PAPSS1: variants seen among roughly 807,000 people sequenced by gnomAD.
The protein encoded by PAPSS1 is bifunctional 3'-phosphoadenosine 5'-phosphosulfate synthase 1.
PAPSS1 carries 50 observed loss-of-function variants against 72.0 expected under a neutral mutation model. That is an observed-to-expected ratio of 0.69 (90% CI 0.55 to 0.88). The LOEUF (loss-of-function observed/expected upper bound fraction) is 0.88, where lower values mean the gene tolerates loss of function less well. Ranked by LOEUF, PAPSS1 falls within the 40% of genes least tolerant of loss-of-function variation. PAPSS1 has a pLI of 0.00. For missense variants in PAPSS1, 657 were observed against 782.2 expected (o/e 0.84, Z 1.91); for synonymous variants, 261 against 263.6 (o/e 0.99, Z 0.09).
chr4:107,641,509 C>A (rs72883542), intron 10 of PAPSS1, among the ~76,000 whole-genome samples: 5,332 of 152,256 alleles, frequency 0.035, 287 homozygotes, highest in African/African-American at 0.12. Flanking sequence ...CTCTGGTCTT[C>A]TTTGACAGAC....
At chr4:107,682,161 G>T in intron 4 of PAPSS1, 28 bp from the exon 5 acceptor site, 1 of 1,103,892 alleles carries the variant, frequency 9.1e-7, no homozygotes, top group Non-Finnish European at 1.4e-6. Flanking sequence ...TAATAGAGTA[G>T]GGTGGAAAAT....
intron 11 of PAPSS1, among the ~76,000 whole-genome samples, chr4:107,620,219 G>A (rs1321793980): frequency 2.6e-5 from 4 of 152,152 alleles, no homozygotes; most frequent in Admixed American, 6.5e-5. Flanking sequence ...TTGATAGGAC[G>A]AAAAATAATA....
At chr4:107,690,609 G>A (rs1435344807) in intron 3 of PAPSS1, among the ~76,000 whole-genome samples, 1 of 152,122 alleles carries the variant, frequency 6.6e-6, no homozygotes. Context: ...TCAGTTCAGT[G>A]GTTGACATGG....
rs557083087 is a variant in PAPSS1 at position 107,665,665 on chromosome 4, A to G, written c.670-5593T>C. ...AGTAAATGACCCACACTCTACTATTAATGAGAGGTGAATTCCGTAACCTGT... is the reference window on the plus strand; with the variant it reads ...AGTAAATGACCCACACTCTACTATTGATGAGAGGTGAATTCCGTAACCTGT... On this transcript the variant is annotated intron_variant, in intron 5 of 11. Transcript: ENST00000265174. 2.0e-5 allele frequency among the ~76,000 whole-genome samples: 3 copies of G among 152,222 alleles called. No homozygotes were observed. In the South Asian group the frequency reaches 6.2e-4, roughly 32 times the overall value.
chr4:107,668,682 G>A (rs112951213), intron 5 of PAPSS1, among the ~76,000 whole-genome samples: 3,842 of 152,178 alleles, frequency 0.025, 72 homozygotes, highest in Middle Eastern at 0.061. Context: ...AAGTTCTTCA[G>A]TTTTGGAACT....
At chr4:107,711,278 G>T (rs1356117953) in intron 1 of PAPSS1, among the ~76,000 whole-genome samples, 1 of 152,086 alleles carries the variant, frequency 6.6e-6, no homozygotes, top group East Asian at 1.9e-4. Flanking sequence ...CTGTCACTAG[G>T]CTAATATTGC....
At chr4:107,665,966 T>C (rs1727305523) in intron 5 of PAPSS1, among the ~76,000 whole-genome samples, 1 of 152,212 alleles carries the variant, frequency 6.6e-6, no homozygotes, top group Admixed American at 6.5e-5. Flanking sequence ...CTTTAAATAC[T>C]TTCTGTACTT....
chr4:107,615,168 T>C (rs1179243370), intron 11 of PAPSS1, among the ~76,000 whole-genome samples: 1 of 152,138 alleles, frequency 6.6e-6, no homozygotes, highest in Admixed American at 6.6e-5. Flanking sequence ...GTTGATAGTT[T>C]TTCTCATCTT....
intron 9 of PAPSS1, among the ~76,000 whole-genome samples, chr4:107,651,403 C>A (rs1269937799): frequency 3.3e-5 from 5 of 152,168 alleles, no homozygotes; most frequent in African/African-American, 4.8e-5. Flanking sequence ...TAAAGTCTAG[C>A]TTCAGTTCAC....
chr4:107,679,348 C>G (rs1252678568), intron 5 of PAPSS1, among the ~76,000 whole-genome samples: 1 of 152,146 alleles, frequency 6.6e-6, no homozygotes, highest in African/African-American at 2.4e-5. Context: ...CCAGGCCCCA[C>G]ACTAAGTACA....
chr4:107,716,149 A>C (rs749819694), intron 1 of PAPSS1, among the ~76,000 whole-genome samples: 2 of 152,070 alleles, frequency 1.3e-5, no homozygotes, highest in African/African-American at 2.4e-5. Flanking sequence ...TGTAGATACA[A>C]AACATCTATA....
Position 107,614,192 on chromosome 4 carries a change from TG to T in PAPSS1, c.*56del. 1 of 1,534,354 alleles carries T rather than the reference TG, an allele frequency of 6.5e-7. No homozygotes were observed. The highest frequency in any genetic ancestry group is 1.2e-5 in the South Asian group (1 of 85,492). ...CACAAAGAAATGCCAACAGAGACTA[TG>T]TGGTCCCCTCTTGTTACTAGTAATG... On this transcript the variant is annotated 3_prime_UTR_variant, in exon 12 of 12. Transcript: ENST00000265174.
At chr4:107,702,552 T>A (rs536955833) in intron 1 of PAPSS1, among the ~76,000 whole-genome samples, 1 of 152,272 alleles carries the variant, frequency 6.6e-6, no homozygotes, top group Admixed American at 6.5e-5. Context: ...CACCATTCAC[T>A]CTCTACTTCT....
At chr4:107,663,552 A>G (rs571519372) in intron 5 of PAPSS1, among the ~76,000 whole-genome samples, 4 of 152,340 alleles carry the variant, frequency 2.6e-5, no homozygotes, top group Admixed American at 6.5e-5. Context: ...AGTCCTACTA[A>G]TGAAGGCAGA....
At chr4:107,665,528 A>C (rs562524398) in intron 5 of PAPSS1, among the ~76,000 whole-genome samples, 13 of 152,100 alleles carry the variant, frequency 8.5e-5, no homozygotes, top group Non-Finnish European at 1.6e-4. Context: ...GCCAGGAAAA[A>C]GTCTGCACAC....
chr4:107,671,694 G>C (rs914050381), intron 5 of PAPSS1, among the ~76,000 whole-genome samples: 1 of 152,022 alleles, frequency 6.6e-6, no homozygotes, highest in East Asian at 1.9e-4. Flanking sequence ...ATCCACAGAC[G>C]CTCAAGTGAT....
intron 1 of PAPSS1, among the ~76,000 whole-genome samples, chr4:107,712,507 T>C (rs76134511): frequency 0.019 from 2,849 of 152,278 alleles, 97 homozygotes; most frequent in African/African-American, 0.064. Flanking sequence ...CAAAAACTTA[T>C]GCACAAATGT....
At chr4:107,648,894 G>A (rs893805534) in intron 9 of PAPSS1, among the ~76,000 whole-genome samples, 1 of 152,048 alleles carries the variant, frequency 6.6e-6, no homozygotes, top group Non-Finnish European at 1.5e-5. Flanking sequence ...GAAGGTGGGG[G>A]GTGGAAATAA....
chr4:107,702,484 T>C (rs565766909), intron 1 of PAPSS1, among the ~76,000 whole-genome samples: 48 of 152,280 alleles, frequency 3.2e-4, no homozygotes, highest in African/African-American at 9.6e-4. Flanking sequence ...GACCAACATC[T>C]CCTCCAACCA....
Sources: gnomAD v4.1 joint callset for allele counts (sites outside exome capture counted in the v4.1 genomes callset) on GRCh38, gnomAD v4.1.1 for gene constraint, MANE v1.5 for transcripts, NCBI Gene and HGNC (gene_info 2026-07-23, HGNC 2026-07-21) for gene names.